Variants in ATP1B4 observed in about 807,000 individuals in gnomAD.
ATP1B4 encodes the protein ATPase Na+/K+ transporting family member beta 4, also known as protein ATP1B4.
In ATP1B4, 32 loss-of-function variants were observed where a neutral mutation model predicts 29.6. The ratio of observed to expected loss-of-function variants is 1.08; its 90% CI spans 0.82 to 1.45. The LOEUF (loss-of-function observed/expected upper bound fraction) is 1.45, where lower values mean the gene tolerates loss of function less well. ATP1B4 is among the 40% of genes most tolerant of loss of function. ATP1B4 has a pLI of 0.00. For missense variants in ATP1B4, 323 were observed against 276.2 expected, an observed-to-expected ratio of 1.17 and a Z score of -1.20; for synonymous variants, 127 against 102.1, an observed-to-expected ratio of 1.24 and a Z score of -1.47.
chrX:120,378,327 G>A (rs1178069291), intron 6 of ATP1B4, among the ~76,000 whole-genome samples: 1 of 111,857 alleles, frequency 8.9e-6, no homozygotes, highest in Non-Finnish European at 1.9e-5. Flanking sequence ...AAAGGCTGGA[G>A]TTGTAGGTCC....
At chrX:120,372,647 G>A (rs532646492) in intron 4 of ATP1B4, among the ~76,000 whole-genome samples, 3 of 112,269 alleles carry the variant, frequency 2.7e-5, no homozygotes, top group African/African-American at 9.7e-5. Flanking sequence ...TTCTAGACCT[G>A]CTGAATCAAA....
chrX:120,379,823 G>A lies in ATP1B4; in HGVS notation c.*189G>A. 2.5e-6 allele frequency: 1 copy of A among 394,881 alleles called. No individual in the cohort carries two copies. Among genetic ancestry groups the A allele is most frequent in the Non-Finnish European group, 4.2e-6 (1 of 238,970 alleles). 32.5% of individuals were successfully genotyped at this position (394,881 alleles called of 1,213,427 possible). A position where few individuals can be genotyped will look rare whatever the true frequency, so the allele number is the denominator to read the frequency against. Reference sequence around the variant, plus strand: ...GGAGCTGTTCGATTTTTTAAAGGTAGTGTCTCCTGATGACAAACAGAGTAT... The same window carrying A: ...GGAGCTGTTCGATTTTTTAAAGGTAATGTCTCCTGATGACAAACAGAGTAT... On this transcript the variant is annotated 3_prime_UTR_variant, in exon 8 of 8. Transcript: ENST00000218008.
At position 120,378,680 on chromosome X, in the gene ATP1B4, A is replaced by G; in HGVS notation, c.819A>G (p.Arg273=). Reference sequence around the variant, plus strand: ...CATATACCTGCTTTTGCTTACAGAGAGGTGATGAAAATGACATCCGATCCA... The same window carrying G: ...CATATACCTGCTTTTGCTTACAGAGGGGTGATGAAAATGACATCCGATCCA... ...DPVKVSCKVQ[R]GDENDIRSIS... is the part of the protein sequence containing the mutation. The change falls in exon 7 of 8, where the codon AGA becomes AGG. Residue 273 remains arginine, a splice_region_variant and synonymous_variant. Transcript: ENST00000218008. 2.5e-6 allele frequency: 3 copies of G among 1,208,418 alleles called. No homozygotes were observed. Among genetic ancestry groups the G allele is most frequent in the Non-Finnish European group, 3.4e-6 (3 of 892,977 alleles).
intron 4 of ATP1B4, among the ~76,000 whole-genome samples, chrX:120,374,786 T>TTATATACACTTATATATAATATATA (rs2058341106): frequency 0.017 from 7 of 403 alleles, 1 homozygote; most frequent in African/African-American, 0.029. Flanking sequence ...TATATATATA[T>TTATATACACTTATATATAATATATA]TATATACCCT....
At chrX:120,376,005 G>A (rs1217919589) in intron 5 of ATP1B4, among the ~76,000 whole-genome samples, 1 of 111,789 alleles carries the variant, frequency 8.9e-6, no homozygotes, top group African/African-American at 3.3e-5. Context: ...GGATTGAAAT[G>A]AGGGTGGCAT....
intron 4 of ATP1B4, among the ~76,000 whole-genome samples, chrX:120,374,859 T>C (rs1324529709): frequency 1.2e-5 from 1 of 82,110 alleles, no homozygotes; most frequent in East Asian, 3.6e-4. Flanking sequence ...ATATATATTA[T>C]ATATAAGGGT....
chrX:120,364,114 G>A lies in ATP1B4; in HGVS notation c.63+1883G>A, dbSNP rs1340938263. On this transcript the variant is annotated intron_variant, in intron 1 of 7. Transcript: ENST00000218008. ...CAGGAGGGTAAAGCTTTAATGACAA[G>A]CCATCTGTAATGGGATTATCATGAG... 2.7e-5 allele frequency among the ~76,000 whole-genome samples: 3 copies of A among 111,091 alleles called. No homozygotes were observed. In the Admixed American group the frequency reaches 2.9e-4, roughly 11 times the overall value.
At chrX:120,377,553 C>G (rs2058362522) in intron 6 of ATP1B4, among the ~76,000 whole-genome samples, 1 of 112,134 alleles carries the variant, frequency 8.9e-6, no homozygotes, top group South Asian at 3.7e-4. Context: ...ATCATAAAGA[C>G]CAACTTAGTC....
rs139049149 is a variant in ATP1B4, at chrX:120,379,844, A to G, written c.*210A>G. On this transcript the variant is annotated 3_prime_UTR_variant, in exon 8 of 8. Coordinates refer to ENST00000218008, the MANE Select transcript of ATP1B4 (RefSeq NM_001142447.3). ...GGTAGTGTCTCCTGATGACAAACAGAGTATATTAATTTCCTTTCCCTCCAC... is the reference window on the plus strand; with the variant it reads ...GGTAGTGTCTCCTGATGACAAACAGGGTATATTAATTTCCTTTCCCTCCAC... 2.9e-4 allele frequency: 97 copies of G among 340,189 alleles called. No homozygotes were observed. Among genetic ancestry groups the G allele is most frequent in the African/African-American group, 2.2e-3 (81 of 37,051 alleles). The allele number at this position is 340,189 out of a possible 1,213,427, so 28.0% of individuals were successfully genotyped here. A position where few individuals can be genotyped will look rare whatever the true frequency, so the allele number is the denominator to read the frequency against.
chrX:120,374,755 ATATATAT>A (rs1569355203), intron 4 of ATP1B4, among the ~76,000 whole-genome samples: 21 of 21,492 alleles, frequency 9.8e-4, no homozygotes, highest in Middle Eastern at 0.042. Flanking sequence ...GGGTGTATAT[ATATATAT>A]TATATATATA....
At chrX:120,373,290 C>G (rs1481827003) in intron 4 of ATP1B4, among the ~76,000 whole-genome samples, 1 of 112,022 alleles carries the variant, frequency 8.9e-6, no homozygotes, top group African/African-American at 3.2e-5. Context: ...AGTTCTTGCT[C>G]TAAAAAAATT....
intron 1 of ATP1B4, among the ~76,000 whole-genome samples, chrX:120,364,200 G>A (rs2058275274): frequency 8.9e-6 from 1 of 112,029 alleles, no homozygotes; most frequent in African/African-American, 3.2e-5. Context: ...TCTGTGGAAG[G>A]TTAAAGGCAG....
chrX:120,372,404 T>A (rs1292438441), intron 4 of ATP1B4, among the ~76,000 whole-genome samples: 1 of 112,026 alleles, frequency 8.9e-6, no homozygotes, highest in Non-Finnish European at 1.9e-5. Flanking sequence ...AATACATAAA[T>A]TTGGTCATTT....
rs1001902492 is a variant in ATP1B4 at position 120,365,580 on chromosome X, C to T, written c.64-945C>T. ...GACTTGGACAGCAGAGAAGGGAGGG[C>T]AGCCTCATTTTCTGCTGCTGCAATA... On this transcript the variant is annotated intron_variant, in intron 1 of 7. Coordinates refer to ENST00000218008, the MANE Select transcript of ATP1B4 (RefSeq NM_001142447.3). Among the ~76,000 whole-genome samples the T allele has an allele frequency of 4.4e-5, 5 of 112,563 alleles. No individual in the cohort carries two copies. In the East Asian group the frequency reaches 1.4e-3, roughly 31 times the overall value.
intron 4 of ATP1B4, among the ~76,000 whole-genome samples, chrX:120,372,977 C>T (rs1005316259): frequency 2.7e-5 from 3 of 111,996 alleles, no homozygotes; most frequent in Non-Finnish European, 3.8e-5. Flanking sequence ...TGCCGGATTC[C>T]CTGCTAAGAA....
rs1375697871 is a variant in ATP1B4 at position 120,381,156 on chromosome X, T to C, written c.*1522T>C. ...TAAAAAACTAGTATGTGGAAAGCTA[T>C]GGGAATATGAGGAAAAATATCTTGA... On this transcript the variant is annotated 3_prime_UTR_variant, in exon 8 of 8. Coordinates refer to ENST00000218008, the MANE Select transcript of ATP1B4 (RefSeq NM_001142447.3). 2.7e-5 allele frequency: 3 copies of C among 111,968 alleles called. No homozygotes were observed. The highest frequency in any genetic ancestry group is 9.5e-5 in the Admixed American group (1 of 10,582). 9.2% of individuals were successfully genotyped at this position (111,968 alleles called of 1,213,427 possible).
At chrX:120,378,565 G>A (rs2058367392) in intron 6 of ATP1B4, 113 bp from the exon 7 acceptor site, 1 of 637,627 alleles carries the variant, frequency 1.6e-6, no homozygotes, top group Non-Finnish European at 2.6e-6. Flanking sequence ...GGTCTTCCTG[G>A]AACAGTTGGT....
At chrX:120,367,933 G>A (rs759973562) in intron 2 of ATP1B4, among the ~76,000 whole-genome samples, 46 of 111,142 alleles carry the variant, frequency 4.1e-4, no homozygotes, top group Non-Finnish European at 8.3e-4. Flanking sequence ...GGAACATTCC[G>A]ACATTCTGGA....
intron 2 of ATP1B4, among the ~76,000 whole-genome samples, chrX:120,369,798 GCT>G (rs2058303825): frequency 8.9e-6 from 1 of 111,967 alleles, no homozygotes; most frequent in Admixed American, 9.5e-5. Context: ...TATTTGCCAG[GCT>G]CTGTGCTATG....
Sources: gnomAD v4.1 joint callset for allele counts (sites outside exome capture counted in the v4.1 genomes callset) on GRCh38, gnomAD v4.1.1 for gene constraint, MANE v1.5 for transcripts, NCBI Gene and HGNC (gene_info 2026-07-23, HGNC 2026-07-21) for gene names.